The following MYO16 variants were observed in gnomAD, a reference collection of about 807,000 sequenced individuals.
MYO16 encodes myosin XVI.
In MYO16, 94 loss-of-function variants were observed where a neutral mutation model predicts 205.3. The ratio of observed to expected loss-of-function variants is 0.46; its 90% CI spans 0.39 to 0.54. MYO16 has a LOEUF of 0.54. Ranked by LOEUF, MYO16 falls within the 20% of genes least tolerant of loss-of-function variation. The pLI is 0.00. For synonymous variants in MYO16, 988 were observed against 954.0 expected (o/e 1.04, Z -0.66); for missense variants, 2,315 against 2,387.5 (o/e 0.97, Z 0.63).
intron 16 of MYO16, among the ~76,000 whole-genome samples, chr13:108,945,496 A>G (rs1030263660): frequency 1.3e-5 from 2 of 152,230 alleles, no homozygotes; most frequent in Non-Finnish European, 2.9e-5. Flanking sequence ...TTTTTAAAAT[A>G]GGAGCCAAAT....
chr13:108,776,682 G>T (rs1249435020), intron 4 of MYO16, among the ~76,000 whole-genome samples: 1 of 152,126 alleles, frequency 6.6e-6, no homozygotes, highest in African/African-American at 2.4e-5. Flanking sequence ...TGGCCATTTT[G>T]CAGGTTGCAC....
intron 1 of MYO16, among the ~76,000 whole-genome samples, chr13:108,657,614 T>C (rs1026551202): frequency 2.0e-5 from 3 of 152,210 alleles, no homozygotes; most frequent in African/African-American, 7.2e-5. Context: ...TTTTCCTATA[T>C]GTTAATAAGG....
chr13:108,556,315 G>T, the MYO16 span, among the ~76,000 whole-genome samples: 1 of 151,040 alleles, frequency 6.6e-6, no homozygotes, highest in Non-Finnish European at 1.5e-5. Flanking sequence ...TCACTCTTTG[G>T]CTAATAGCCA....
At chr13:108,614,598 A>T (rs941471930) in intron 1 of MYO16, among the ~76,000 whole-genome samples, 1 of 152,090 alleles carries the variant, frequency 6.6e-6, no homozygotes, top group Non-Finnish European at 1.5e-5. Context: ...AATAATCAAA[A>T]CAATGTGATA....
At chr13:109,182,575 T>C (rs966015980) in intron 34 of MYO16, among the ~76,000 whole-genome samples, 1 of 152,220 alleles carries the variant, frequency 6.6e-6, no homozygotes, top group Non-Finnish European at 1.5e-5. Context: ...ATGTCCAAGG[T>C]TAGTTTTCTT....
At chr13:108,519,793 G>A in the MYO16 span, among the ~76,000 whole-genome samples, 1 of 151,874 alleles carries the variant, frequency 6.6e-6, no homozygotes, top group South Asian at 2.1e-4. Flanking sequence ...AATGTACCCG[G>A]GAATGAATCC....
At chr13:108,519,924 T>C in the MYO16 span, among the ~76,000 whole-genome samples, 1 of 152,158 alleles carries the variant, frequency 6.6e-6, no homozygotes. Context: ...GTGTTTTAAA[T>C]AAAAAATTGT....
chr13:108,642,813 A>G (rs1321264861), intron 1 of MYO16, among the ~76,000 whole-genome samples: 2 of 152,142 alleles, frequency 1.3e-5, no homozygotes. Context: ...TTAAAAAATA[A>G]TTAGTTTTAT....
the MYO16 span, among the ~76,000 whole-genome samples, chr13:108,546,406 A>C: frequency 6.6e-6 from 1 of 152,176 alleles, no homozygotes; most frequent in Non-Finnish European, 1.5e-5. Flanking sequence ...CTGAAGGTGC[A>C]TGTTGGCAGT....
chr13:108,739,947 A>G (rs1884842806), intron 4 of MYO16, among the ~76,000 whole-genome samples: 1 of 152,172 alleles, frequency 6.6e-6, no homozygotes, highest in East Asian at 1.9e-4. Context: ...AAGCTTGTGC[A>G]TTCATCACGT....
At chr13:108,926,442 A>G (rs1234917979) in intron 16 of MYO16, among the ~76,000 whole-genome samples, 1 of 152,216 alleles carries the variant, frequency 6.6e-6, no homozygotes, top group Non-Finnish European at 1.5e-5. Context: ...TCAAATTGCA[A>G]TGTGAGAAAC....
At chr13:109,194,039 A>G (rs369529872) in intron 34 of MYO16, among the ~76,000 whole-genome samples, 5 of 152,270 alleles carry the variant, frequency 3.3e-5, no homozygotes, top group East Asian at 3.9e-4. Context: ...CAGTAATGAC[A>G]TGCATAAGTT....
chr13:109,013,114 A>ATC (rs1468753436), intron 22 of MYO16, among the ~76,000 whole-genome samples: 1 of 55,130 alleles, frequency 1.8e-5, no homozygotes, highest in Non-Finnish European at 3.4e-5. Flanking sequence ...CCCCTCCCCC[A>ATC]CCCCCCCCCA....
chr13:108,777,652 G>A (rs913912589), intron 4 of MYO16, among the ~76,000 whole-genome samples: 7 of 152,192 alleles, frequency 4.6e-5, no homozygotes, highest in African/African-American at 7.2e-5. Flanking sequence ...GCCAGTGAGA[G>A]GAGCCTGTTC....
chr13:108,669,276 A>T lies in MYO16; in HGVS notation c.292+3127A>T, dbSNP rs540943584. ...TTTCAAGGAGGAGAAATTTTTATTG[A>T]TCAAGCAGGAGGAAGCCTGAGAACT... is the stretch of plus-strand genomic sequence containing the variant. On this transcript the variant is annotated intron_variant, in intron 2 of 34. Coordinates refer to ENST00000457511, the MANE Select transcript of MYO16 (RefSeq NM_001198950.3). Among the ~76,000 whole-genome samples the T allele has an allele frequency of 2.0e-5, 3 of 152,194 alleles. No individual in the cohort carries two copies. In the East Asian group the frequency reaches 5.8e-4, roughly 30 times the overall value.
At chr13:109,134,707 T>C (rs1876690630) in intron 31 of MYO16, among the ~76,000 whole-genome samples, 1 of 152,156 alleles carries the variant, frequency 6.6e-6, no homozygotes, top group Admixed American at 6.6e-5. Flanking sequence ...AAGCAGTAGA[T>C]GCAGCATCGC....
At chr13:108,798,220 T>C (rs907167239) in intron 6 of MYO16, among the ~76,000 whole-genome samples, 2 of 124,854 alleles carry the variant, frequency 1.6e-5, no homozygotes, top group Admixed American at 7.8e-5. Context: ...ATTGTGGAGA[T>C]AAGGAGAAGA....
chr13:108,821,450 C>T (rs413799), intron 8 of MYO16, among the ~76,000 whole-genome samples: 2,054 of 152,242 alleles, frequency 0.013, 52 homozygotes, highest in African/African-American at 0.046. Flanking sequence ...TTAACATTAA[C>T]TATATTAGTA....
At chr13:108,544,868 AC>A in the MYO16 span, among the ~76,000 whole-genome samples, 1 of 152,216 alleles carries the variant, frequency 6.6e-6, no homozygotes, top group Non-Finnish European at 1.5e-5. Flanking sequence ...GTCTTTCTGT[AC>A]CTGGCTTATT....
Sources: allele counts gnomAD v4.1 joint callset (sites outside exome capture counted in the v4.1 genomes callset), GRCh38; gene constraint gnomAD v4.1.1; transcripts MANE v1.5; gene names NCBI Gene and HGNC (gene_info 2026-07-23, HGNC 2026-07-21).